The following UBE2E2 variants were observed in gnomAD, a reference collection of about 807,000 sequenced individuals.
The protein encoded by UBE2E2 is ubiquitin conjugating enzyme E2 E2.
A neutral mutation model predicts 24.7 loss-of-function variants in UBE2E2; 6 were observed. The observed-to-expected ratio is 0.24, with a 90% CI of 0.13 to 0.48. UBE2E2 has a LOEUF of 0.48. UBE2E2 is among the 20% of genes least tolerant of loss of function. UBE2E2 has a pLI of 0.99. For missense variants in UBE2E2, 169 were observed against 245.0 expected, an observed-to-expected ratio of 0.69 and a Z score of 2.07; for synonymous variants, 104 against 83.6, an observed-to-expected ratio of 1.24 and a Z score of -1.33.
chr3:23,259,058 G>C (rs942363266), intron 3 of UBE2E2, among the ~76,000 whole-genome samples: 14 of 152,010 alleles, frequency 9.2e-5, no homozygotes, highest in Non-Finnish European at 1.5e-5. Context: ...TTTTATACAG[G>C]TGAATTCTTT....
intron 3 of UBE2E2, among the ~76,000 whole-genome samples, chr3:23,413,478 C>T (rs1370137140): frequency 6.6e-6 from 1 of 152,118 alleles, no homozygotes; most frequent in Non-Finnish European, 1.5e-5. Flanking sequence ...CCTGCCTTTC[C>T]CTGCAGTGCC....
intron 3 of UBE2E2, among the ~76,000 whole-genome samples, chr3:23,273,530 CAAA>C (rs11328464): frequency 3.5e-5 from 5 of 140,918 alleles, no homozygotes; most frequent in Non-Finnish European, 3.1e-5. Context: ...GACTCCGTCT[CAAA>C]AAAAAAAAAA....
Position 23,308,312 on chromosome 3 carries a change from T to G in UBE2E2, c.227+91000T>G, listed in dbSNP as rs564109697. 6.6e-5 allele frequency among the ~76,000 whole-genome samples: 10 copies of G among 152,330 alleles called. No individual in the cohort carries two copies. The South Asian group carries it at 2.1e-3, about 32-fold the overall frequency. On this transcript the variant is annotated intron_variant, in intron 3 of 5. Coordinates refer to ENST00000396703, the MANE Select transcript of UBE2E2 (RefSeq NM_152653.4). The stretch of plus-strand genomic sequence containing the variant: ...AGCCCCTATGTAGTTTTTATTTCTT[T>G]AGGATGACAGACATGAGTTCTCCCA...
chr3:23,249,563 G>A (rs911547405), intron 3 of UBE2E2, among the ~76,000 whole-genome samples: 9 of 152,078 alleles, frequency 5.9e-5, no homozygotes, highest in Non-Finnish European at 2.9e-5. Flanking sequence ...CCAAGATTAG[G>A]GATTCCAGTG....
intron 3 of UBE2E2, among the ~76,000 whole-genome samples, chr3:23,379,835 A>G (rs1042410098): frequency 6.6e-6 from 1 of 152,122 alleles, no homozygotes; most frequent in Non-Finnish European, 1.5e-5. Context: ...AAAATATGCA[A>G]AGACCTAGGG....
intron 3 of UBE2E2, among the ~76,000 whole-genome samples, chr3:23,430,974 TATG>T (rs1402161774): frequency 2.0e-5 from 3 of 152,114 alleles, no homozygotes; most frequent in Non-Finnish European, 4.4e-5. Context: ...TCATAACAAA[TATG>T]AGGGTAATTT....
At chr3:23,300,788 C>G (rs1465665726) in intron 3 of UBE2E2, among the ~76,000 whole-genome samples, 1 of 152,060 alleles carries the variant, frequency 6.6e-6, no homozygotes, top group Admixed American at 6.6e-5. Flanking sequence ...CGAGAAGTAT[C>G]TTTGTGGTGT....
At chr3:23,352,778 G>A (rs953500567) in intron 3 of UBE2E2, among the ~76,000 whole-genome samples, 3 of 152,150 alleles carry the variant, frequency 2.0e-5, no homozygotes, top group East Asian at 1.9e-4. Flanking sequence ...GGACCAGATG[G>A]ATTCACAGCC....
chr3:23,554,327 T>G (rs187138511), intron 5 of UBE2E2, among the ~76,000 whole-genome samples: 4 of 152,078 alleles, frequency 2.6e-5, no homozygotes, highest in Admixed American at 1.3e-4. Flanking sequence ...AATAAATGAT[T>G]CCGGGGAAAC....
In UBE2E2 at chr3:23,363,562, G is replaced by A. The variant is rs115125799; in HGVS notation, c.228-136046G>A. Among the ~76,000 whole-genome samples, 805 of 152,246 alleles carry A rather than the reference G, an allele frequency of 5.3e-3. 8 individuals carry two copies. Among genetic ancestry groups the A allele is most frequent in the African/African-American group, 0.018 (753 of 41,546 alleles). Reference sequence around the variant, plus strand: ...CAGAAAACACAAAGAAAGGCATTACGTAATGGCAACAGGCCAAATTCAACA... The same window carrying A: ...CAGAAAACACAAAGAAAGGCATTACATAATGGCAACAGGCCAAATTCAACA... On this transcript the variant is annotated intron_variant, in intron 3 of 5. Transcript: ENST00000396703.
chr3:23,205,905 G>A (rs1696132216), intron 1 of UBE2E2, among the ~76,000 whole-genome samples: 1 of 152,012 alleles, frequency 6.6e-6, no homozygotes, highest in South Asian at 2.1e-4. Flanking sequence ...TATAACTATG[G>A]CATTCGATAG....
At chr3:23,541,815 A>G (rs1477055598) in intron 5 of UBE2E2, among the ~76,000 whole-genome samples, 1 of 152,188 alleles carries the variant, frequency 6.6e-6, no homozygotes, top group Admixed American at 6.5e-5. Flanking sequence ...CTATGTGCCT[A>G]TAGGCTGATG....
At chr3:23,386,503 G>C (rs1696808605) in intron 3 of UBE2E2, among the ~76,000 whole-genome samples, 1 of 152,186 alleles carries the variant, frequency 6.6e-6, no homozygotes, top group African/African-American at 2.4e-5. Context: ...AGGTAGTTCG[G>C]TTCTTAAAAG....
intron 5 of UBE2E2, among the ~76,000 whole-genome samples, chr3:23,557,952 CA>C (rs1695828805): frequency 1.3e-5 from 2 of 152,154 alleles, no homozygotes; most frequent in South Asian, 4.1e-4. Flanking sequence ...ATATTGACAT[CA>C]ACACACTAGG....
At chr3:23,256,438 A>G (rs1228048550) in intron 3 of UBE2E2, among the ~76,000 whole-genome samples, 1 of 151,754 alleles carries the variant, frequency 6.6e-6, no homozygotes, top group Non-Finnish European at 1.5e-5. Flanking sequence ...TATTTTCATT[A>G]TATAAACTAA....
At chr3:23,528,907 C>G (rs2125482194) in intron 4 of UBE2E2, among the ~76,000 whole-genome samples, 1 of 152,276 alleles carries the variant, frequency 6.6e-6, no homozygotes, top group Middle Eastern at 3.4e-3. Flanking sequence ...TTCTCCTCCT[C>G]ATGTCTGTTT....
At chr3:23,245,735 C>T (rs1322635276) in intron 3 of UBE2E2, among the ~76,000 whole-genome samples, 1 of 152,184 alleles carries the variant, frequency 6.6e-6, no homozygotes, top group Non-Finnish European at 1.5e-5. Flanking sequence ...AGGGCACCAT[C>T]ATATCTGTTA....
At chr3:23,214,560 A>G (rs1347334194) in intron 2 of UBE2E2, among the ~76,000 whole-genome samples, 1 of 151,572 alleles carries the variant, frequency 6.6e-6, no homozygotes, top group East Asian at 1.9e-4. Context: ...CTGGCCCAGG[A>G]TTTATGAGTT....
At chr3:23,255,378 G>A (rs1433074539) in intron 3 of UBE2E2, among the ~76,000 whole-genome samples, 4 of 152,070 alleles carry the variant, frequency 2.6e-5, no homozygotes, top group Non-Finnish European at 4.4e-5. Flanking sequence ...ACAGGCGTGA[G>A]CTACCATGCC....
Sources: allele counts gnomAD v4.1 joint callset (sites outside exome capture counted in the v4.1 genomes callset), GRCh38; gene constraint gnomAD v4.1.1; transcripts MANE v1.5; gene names NCBI Gene and HGNC (gene_info 2026-07-23, HGNC 2026-07-21).